Variants in URB1 observed in about 807,000 individuals in gnomAD.
The protein encoded by URB1 is URB1 ribosome biogenesis factor.
A neutral mutation model predicts 242.3 loss-of-function variants in URB1; 197 were observed. The observed-to-expected ratio is 0.81, with a 90% confidence interval of 0.72 to 0.91. The LOEUF is 0.91. URB1 is among the 40% of genes least tolerant of loss of function. The pLI is 0.00. For missense variants in URB1, 2,721 were observed against 2,860.5 expected, an observed-to-expected ratio of 0.95 and a Z score of 1.11; for synonymous variants, 1,153 against 1,201.8, an observed-to-expected ratio of 0.96 and a Z score of 0.84.
rs147115606 is a variant in URB1 at position 32,366,901 on chromosome 21, T to C, written c.1198-146A>G. ...ACTCCCCACAAGGCAGAGTGGAAGA[T>C]TAACCCTCAAATCTACTTGTCAAAG... On this transcript the variant is annotated intron_variant, in intron 9 of 38. Transcript: ENST00000382751. 6.8e-5 allele frequency: 61 copies of C among 899,990 alleles called. 1 individual carries two copies. In the East Asian group the frequency reaches 1.3e-3, roughly 19 times the overall value. The allele number at this position is 899,990 out of a possible 1,614,324, so 55.8% of individuals were successfully genotyped here.
chr21:32,365,457 G>GA (rs1035482641), intron 10 of URB1, among the ~76,000 whole-genome samples: 18 of 147,974 alleles, frequency 1.2e-4, no homozygotes, highest in South Asian at 6.4e-4. Context: ...TCTCAAAAAA[G>GA]AAAAAAAAAT....
chr21:32,357,295 A>G (rs902848168), intron 15 of URB1, among the ~76,000 whole-genome samples: 2 of 151,388 alleles, frequency 1.3e-5, no homozygotes, highest in African/African-American at 4.9e-5. Flanking sequence ...AGCCTACAAC[A>G]AGCTAGAAAT....
At chr21:32,342,954 G>T (rs2033047216) in intron 24 of URB1, among the ~76,000 whole-genome samples, 1 of 151,984 alleles carries the variant, frequency 6.6e-6, no homozygotes, top group Non-Finnish European at 1.5e-5. Context: ...ATCTACCACT[G>T]ACCACTAACA....
chr21:32,315,232 G>A, intron 38 of URB1, 133 bp from the exon 39 acceptor site: 3 of 732,344 alleles, frequency 4.1e-6, no homozygotes, highest in Non-Finnish European at 6.0e-6. Context: ...AACCCAAGGT[G>A]AGCACACCGA....
At chr21:32,373,471 GA>G (rs1260697503) in intron 7 of URB1, among the ~76,000 whole-genome samples, 175 bp downstream of exon 7, 2 of 151,866 alleles carry the variant, frequency 1.3e-5, no homozygotes, top group Admixed American at 6.6e-5. Flanking sequence ...GAAATTAGGG[GA>G]AAAAAATCCT....
chr21:32,380,908 C>A (rs1287555423), intron 4 of URB1, among the ~76,000 whole-genome samples: 2 of 152,204 alleles, frequency 1.3e-5, no homozygotes, highest in African/African-American at 2.4e-5. Context: ...CCTGCTGGTA[C>A]ACAGCAGAAC....
chr21:32,356,748 GC>G (rs2033225482), intron 15 of URB1, among the ~76,000 whole-genome samples: 1 of 152,206 alleles, frequency 6.6e-6, no homozygotes, highest in Non-Finnish European at 1.5e-5. Flanking sequence ...AGTCTAAGAG[GC>G]CTCACGGCAC....
intron 32 of URB1, among the ~76,000 whole-genome samples, chr21:32,323,187 T>C (rs2032788419): frequency 6.6e-6 from 1 of 152,238 alleles, no homozygotes; most frequent in Non-Finnish European, 1.5e-5. Flanking sequence ...TCATGGTCTC[T>C]GCCAATTATT....
At chr21:32,368,193 A>C (rs1427879040) in intron 9 of URB1, among the ~76,000 whole-genome samples, 1 of 151,960 alleles carries the variant, frequency 6.6e-6, no homozygotes, top group East Asian at 1.9e-4. Context: ...TCAGGCTCCC[A>C]AGTACCTGGG....
intron 37 of URB1, among the ~76,000 whole-genome samples, chr21:32,317,435 T>G (rs945145771): frequency 6.6e-6 from 1 of 152,122 alleles, no homozygotes; most frequent in Non-Finnish European, 1.5e-5. Flanking sequence ...TCTTTACAGG[T>G]GAGCACCATG....
At chr21:32,337,577 G>GGA (rs1235098955) in intron 26 of URB1, 63 bp from the exon 27 acceptor site, 2 of 1,379,554 alleles carry the variant, frequency 1.4e-6, no homozygotes, top group Admixed American at 4.2e-5. Flanking sequence ...TACCAGAAGA[G>GGA]GAGAGAGCCT....
At chr21:32,360,466 T>A (rs926187753) in intron 13 of URB1, among the ~76,000 whole-genome samples, 1 of 152,242 alleles carries the variant, frequency 6.6e-6, no homozygotes, top group Non-Finnish European at 1.5e-5. Flanking sequence ...CAATAGCTCA[T>A]ATAAATTCCA....
intron 26 of URB1, 58 bp from the exon 27 acceptor site, chr21:32,337,572 G>A (rs2032976009): frequency 1.4e-6 from 2 of 1,409,252 alleles, no homozygotes; most frequent in Non-Finnish European, 2.0e-6. Context: ...CTGAATACCA[G>A]AAGAGGAGAG....
At chr21:32,382,402 C>T (rs2033536741) in intron 4 of URB1, among the ~76,000 whole-genome samples, 1 of 151,992 alleles carries the variant, frequency 6.6e-6, no homozygotes, top group Admixed American at 6.6e-5. Flanking sequence ...GAATTTTTTT[C>T]CTTAGAGAAT....
intron 29 of URB1, among the ~76,000 whole-genome samples, 177 bp from the exon 30 acceptor site, chr21:32,333,596 T>C (rs2032921097): frequency 6.6e-6 from 1 of 152,226 alleles, no homozygotes; most frequent in Admixed American, 6.5e-5. Context: ...ATCATTTATG[T>C]TTCATATGCA....
intron 10 of URB1, 24 bp from the exon 11 acceptor site, chr21:32,363,353 C>A: frequency 6.5e-7 from 1 of 1,547,500 alleles, no homozygotes; most frequent in Non-Finnish European, 8.7e-7. Context: ...GAGTTAAATG[C>A]ACACATGTCT....
chr21:32,342,691 T>C (rs2033044307), intron 24 of URB1, among the ~76,000 whole-genome samples: 2 of 44 alleles, frequency 0.045, no homozygotes, highest in African/African-American at 0.14. Context: ...GCCGGAACCC[T>C]GGTCAGGATC....
chr21:32,316,487 C>T lies in URB1; in HGVS notation c.6613G>A (p.Glu2205Lys), dbSNP rs1371756688. The change falls in exon 38 of 39, where the codon GAG becomes AAG. Residue 2205 changes from glutamate (E) to lysine (K), a missense_variant. Glu to Lys is a moderately conservative substitution (Grantham distance 56). Coordinates refer to ENST00000382751, the MANE Select transcript of URB1 (RefSeq NM_014825.3). ...TTACCTTGTGTGGCTTCATCCTTCT[C>T]ACTCAGAGAAGACAGGGAGAGGGCT... ...MEALSLSSLS[E>K]KDEATQASAA... 2 of 1,532,888 alleles carry T rather than the reference C, an allele frequency of 1.3e-6. No homozygotes were observed. The highest frequency in any genetic ancestry group is 2.1e-5 in the Admixed American group (1 of 47,496). 95.0% of individuals were successfully genotyped at this position (1,532,888 alleles called of 1,614,324 possible).
rs1359430589 is a variant in URB1, at chr21:32,354,984, A to G, written c.2120T>C (p.Leu707Ser). The G allele has an allele frequency of 1.9e-6, 3 of 1,549,888 alleles. No homozygotes were observed. Among genetic ancestry groups the G allele is most frequent in the East Asian group, 2.4e-5 (1 of 40,876 alleles). Reference sequence around the variant, plus strand: ...TGTGTATGAATAGGGATTCGCCACCAATGTCAATAAAATCTGGGCATTAAA... The same window carrying G: ...TGTGTATGAATAGGGATTCGCCACCGATGTCAATAAAATCTGGGCATTAAA... Reference protein sequence around the residue: ...IQFLERILLTLVANPYSYTDK... With the variant: ...IQFLERILLTSVANPYSYTDK... Residue 707 changes from leucine (L) to serine (S), a missense_variant, in exon 17 of 39, where the codon TTG becomes TCG. Leu to Ser is a moderately radical substitution (Grantham distance 145). Transcript: ENST00000382751.
Sources: allele counts gnomAD v4.1 joint callset (sites outside exome capture counted in the v4.1 genomes callset), GRCh38; gene constraint gnomAD v4.1.1; transcripts MANE v1.5; gene names NCBI Gene and HGNC (gene_info 2026-07-23, HGNC 2026-07-21).